The following ERI1 variants were observed in gnomAD, a reference collection of about 807,000 sequenced individuals.
ERI1 encodes the protein exoribonuclease 1.
ERI1 carries 39 observed loss-of-function variants against 39.7 expected under a neutral mutation model. That is an observed-to-expected ratio of 0.98 (90% confidence interval 0.76 to 1.28). The LOEUF (loss-of-function observed/expected upper bound fraction) is 1.28, where lower values mean the gene tolerates loss of function less well. Among genes scored for constraint, ERI1 ranks in the 50% most tolerant of loss-of-function variants. The pLI is 0.00. For synonymous variants in ERI1, 204 were observed against 149.6 expected, an observed-to-expected ratio of 1.36 and a Z score of -2.65; for missense variants, 581 against 416.9, an observed-to-expected ratio of 1.39 and a Z score of -3.43.
At chr8:9,020,841 C>T (rs1222790630) in intron 6 of ERI1, among the ~76,000 whole-genome samples, 1 of 152,178 alleles carries the variant, frequency 6.6e-6, no homozygotes, top group African/African-American at 2.4e-5. Context: ...GAATGGCAGT[C>T]TTCTGCCATA....
At chr8:9,090,319 C>G (rs1455686476) in intron 3 of ERI1, among the ~76,000 whole-genome samples, 1 of 152,144 alleles carries the variant, frequency 6.6e-6, no homozygotes, top group Admixed American at 6.6e-5. Flanking sequence ...TTGGTGCCAA[C>G]TTGTTCTGTT....
chr8:9,016,464 A>G (rs1817299353), intron 4 of ERI1, 59 bp downstream of exon 4: 2 of 1,046,108 alleles, frequency 1.9e-6, no homozygotes, highest in Non-Finnish European at 2.8e-6. Flanking sequence ...TTAGGGATTT[A>G]TTTTATACAT....
At chr8:9,092,557 C>A (rs1306301639) in intron 3 of ERI1, among the ~76,000 whole-genome samples, 1 of 152,188 alleles carries the variant, frequency 6.6e-6, no homozygotes, top group African/African-American at 2.4e-5. Context: ...TACGGGGAAT[C>A]AAATGAGCAA....
At position 9,030,128 on chromosome 8, in the gene ERI1, G is replaced by C. The variant is rs2117303390; in HGVS notation, c.*94G>C. On this transcript the variant is annotated 3_prime_UTR_variant, in exon 7 of 7. Transcript: ENST00000250263. ...ATTAGTCCTGTAGTGCAAACTTTAA[G>C]CACCTTAAAACATTTAAAATCTTAT... 9.4e-6 allele frequency: 14 copies of C among 1,495,956 alleles called. 2 individuals carry two copies. In the South Asian group the frequency reaches 1.5e-4, roughly 16 times the overall value. 92.7% of individuals were successfully genotyped at this position (1,495,956 alleles called of 1,614,324 possible). A position where few individuals can be genotyped will look rare whatever the true frequency, so the allele number is the denominator to read the frequency against.
downstream of ERI1, among the ~76,000 whole-genome samples, chr8:9,036,734 T>G (rs536595439): frequency 6.6e-6 from 1 of 152,002 alleles, no homozygotes; most frequent in South Asian, 2.1e-4. Context: ...AGGAGCAAGG[T>G]TGTGATTTTC....
At chr8:9,004,997 G>A (rs576019252) in intron 1 of ERI1, among the ~76,000 whole-genome samples, 1 of 152,240 alleles carries the variant, frequency 6.6e-6, no homozygotes, top group South Asian at 2.1e-4. Flanking sequence ...CCATGATACA[G>A]TGTTTTTCAA....
chr8:9,018,686 A>G (rs546806811), intron 5 of ERI1, among the ~76,000 whole-genome samples: 1 of 152,322 alleles, frequency 6.6e-6, no homozygotes, highest in South Asian at 2.1e-4. Flanking sequence ...CTTACTCAAA[A>G]AAGTTCAGAC....
intron 3 of ERI1, among the ~76,000 whole-genome samples, chr8:9,088,047 C>T (rs527504345): frequency 7.9e-5 from 12 of 152,246 alleles, no homozygotes; most frequent in Admixed American, 2.6e-4. Flanking sequence ...GTGACTCACG[C>T]TGCGGTATGT....
chr8:9,044,111 G>A (rs1329977669), intron 3 of ERI1, among the ~76,000 whole-genome samples: 2 of 152,164 alleles, frequency 1.3e-5, no homozygotes, highest in Non-Finnish European at 2.9e-5. Flanking sequence ...GTTGTTGTCG[G>A]AGTTAAATAG....
chr8:9,080,468 C>T (rs185832321), intron 3 of ERI1, among the ~76,000 whole-genome samples: 5 of 152,200 alleles, frequency 3.3e-5, no homozygotes, highest in Admixed American at 3.3e-4. Flanking sequence ...ACGTGAACAG[C>T]ACACATGCTA....
chr8:9,071,902 C>G (rs975967464), intron 3 of ERI1, among the ~76,000 whole-genome samples: 1 of 152,134 alleles, frequency 6.6e-6, no homozygotes, highest in African/African-American at 2.4e-5. Flanking sequence ...CTCGTCTCTA[C>G]AAAAGACAAA....
intron 3 of ERI1, among the ~76,000 whole-genome samples, chr8:9,059,839 G>T (rs1798633625): frequency 2.0e-5 from 3 of 152,208 alleles, no homozygotes; most frequent in African/African-American, 7.2e-5. Context: ...GTTGAGAATG[G>T]TGAATAGGAG....
At chr8:9,014,837 GTTTT>G (rs1463636948) in intron 3 of ERI1, among the ~76,000 whole-genome samples, 10 of 151,886 alleles carry the variant, frequency 6.6e-5, no homozygotes, top group African/African-American at 2.4e-4. Flanking sequence ...CTTTTGTTTT[GTTTT>G]GTTTTGTTTT....
chr8:9,026,489 C>T (rs1041553751), intron 6 of ERI1, among the ~76,000 whole-genome samples: 1 of 152,142 alleles, frequency 6.6e-6, no homozygotes, highest in African/African-American at 2.4e-5. Context: ...AGTATTTGAT[C>T]TTTTGTGACT....
intron 3 of ERI1, among the ~76,000 whole-genome samples, chr8:9,080,983 C>T (rs1252024242): frequency 6.6e-6 from 1 of 152,148 alleles, no homozygotes; most frequent in African/African-American, 2.4e-5. Flanking sequence ...AATTTATAAA[C>T]AAAAAAGGTT....
intron 4 of ERI1, among the ~76,000 whole-genome samples, chr8:9,016,772 G>A (rs777552252): frequency 6.6e-6 from 1 of 152,142 alleles, no homozygotes; most frequent in Non-Finnish European, 1.5e-5. Flanking sequence ...TGCAGCCTCT[G>A]CCTCCTGGGC....
At chr8:9,024,861 G>C (rs1223797398) in intron 6 of ERI1, among the ~76,000 whole-genome samples, 1 of 151,816 alleles carries the variant, frequency 6.6e-6, no homozygotes, top group African/African-American at 2.4e-5. Context: ...CTCAATTTTA[G>C]ATTGAATTTA....
downstream of ERI1, among the ~76,000 whole-genome samples, chr8:9,037,393 G>T (rs1797886795): frequency 6.6e-6 from 1 of 152,142 alleles, no homozygotes; most frequent in Admixed American, 6.6e-5. Context: ...TTCCCAGACA[G>T]CCCGGACCTT....
At chr8:9,006,530 C>T (rs1418851526) in intron 1 of ERI1, among the ~76,000 whole-genome samples, 1 of 152,094 alleles carries the variant, frequency 6.6e-6, no homozygotes, top group Non-Finnish European at 1.5e-5. Context: ...CTGAAATTTA[C>T]TAAATGATGA....
Sources: allele counts gnomAD v4.1 joint callset (sites outside exome capture counted in the v4.1 genomes callset), GRCh38; gene constraint gnomAD v4.1.1; transcripts MANE v1.5; gene names NCBI Gene and HGNC (gene_info 2026-07-23, HGNC 2026-07-21).